Variants in PCMTD2 observed in about 807,000 individuals in gnomAD.
PCMTD2 encodes protein-L-isoaspartate O-methyltransferase domain-containing protein 2.
PCMTD2 carries 16 observed loss-of-function variants against 33.4 expected under a neutral mutation model. That is an observed-to-expected ratio of 0.48 (90% CI 0.32 to 0.73). The LOEUF is 0.73. Ranked by LOEUF, PCMTD2 falls within the 30% of genes least tolerant of loss-of-function variation. The pLI is 0.03. For missense variants in PCMTD2, 374 were observed against 449.9 expected, an observed-to-expected ratio of 0.83 and a Z score of 1.53; for synonymous variants, 161 against 160.8, an observed-to-expected ratio of 1.00 and a Z score of -0.01.
chr20:64,261,939 T>C (rs1035706360), intron 2 of PCMTD2, among the ~76,000 whole-genome samples: 1 of 152,136 alleles, frequency 6.6e-6, no homozygotes, highest in Non-Finnish European at 1.5e-5. Flanking sequence ...CCAAAATGCT[T>C]AGGAAAAGAT....
At chr20:64,269,388 C>A (rs1428642974) in intron 5 of PCMTD2, among the ~76,000 whole-genome samples, 1 of 152,178 alleles carries the variant, frequency 6.6e-6, no homozygotes, top group Non-Finnish European at 1.5e-5. Context: ...TGGGGTTCGT[C>A]TGGCCGATGA....
In PCMTD2 at chr20:64,260,213, C is replaced by G. The variant is rs775544236; in HGVS notation, c.248C>G (p.Ser83Trp). The change falls in exon 2 of 6, where the codon TCG (serine) becomes TGG (tryptophan). Residue 83 changes from serine (S) to tryptophan (W), a missense_variant. Transcript: ENST00000308824. ...GCCCTAGATCTGCAGCCTGGACTCT[C>G]GTTTCTGAACCTGGGCAGTGGCACT... is the stretch of plus-strand genomic sequence containing the variant. The part of the protein sequence containing the change: ...MEALDLQPGL[S>W]FLNLGSGTGY... 5.0e-6 allele frequency: 8 copies of G among 1,613,720 alleles called. No homozygotes were observed. The African/African-American group carries it at 5.3e-5, about 11-fold the overall frequency.
intron 4 of PCMTD2, 71 bp from the exon 5 acceptor site, chr20:64,267,804 TTTATAGTATGTA>T: frequency 8.7e-7 from 1 of 1,155,180 alleles, no homozygotes; most frequent in Non-Finnish European, 1.2e-6. Context: ...TCTATGTATT[TTTATAGTATGTA>T]TAGGAATGAT....
chr20:64,269,851 GCGTGTGGGGGGTGTGGGCGTGCAT>G (rs937607551), intron 5 of PCMTD2, among the ~76,000 whole-genome samples: 5 of 86,714 alleles, frequency 5.8e-5, no homozygotes, highest in Non-Finnish European at 1.1e-4. Flanking sequence ...ATGGGTGCTG[GCGTGTGGGGGGTGTGGGCGTGCAT>G]CGTGTGGGGT....
At chr20:64,268,439 C>T (rs951041142) in intron 5 of PCMTD2, among the ~76,000 whole-genome samples, 2 of 152,222 alleles carry the variant, frequency 1.3e-5, no homozygotes, top group Non-Finnish European at 2.9e-5. Context: ...TTAGAGAACA[C>T]ATTCCAGCTA....
chr20:64,262,665 G>C (rs1236291594), intron 2 of PCMTD2: 3 of 152,330 alleles, frequency 2.0e-5, no homozygotes, highest in African/African-American at 7.2e-5. Flanking sequence ...ACTGCCTTTC[G>C]CATGGCCTGA....
rs1476759106 is a variant in PCMTD2, at chr20:64,275,338, T to C, written c.*1738T>C. ...ACGTAGACACTTACTTGGAAATTTT[T>C]GGACATTATATTAAATGAGTGCTAT... is the stretch of plus-strand genomic sequence containing the variant. On this transcript the variant is annotated 3_prime_UTR_variant, in exon 6 of 6. Coordinates refer to ENST00000308824, the MANE Select transcript of PCMTD2 (RefSeq NM_018257.3). 1 of 152,236 alleles carries C rather than the reference T, an allele frequency of 6.6e-6. No individual in the cohort carries two copies. Among genetic ancestry groups the C allele is most frequent in the Non-Finnish European group, 1.5e-5 (1 of 68,034 alleles). 9.4% of individuals were successfully genotyped at this position (152,236 alleles called of 1,614,324 possible). A position where few individuals can be genotyped will look rare whatever the true frequency, so the allele number is the denominator to read the frequency against.
chr20:64,273,556 C>G lies in PCMTD2; in HGVS notation c.1042C>G (p.Pro348Ala). The change falls in exon 6 of 6, where the codon CCA (proline) becomes GCA (alanine). Residue 348 changes from proline (P) to alanine (A), a missense_variant. Pro to Ala is a conservative substitution (Grantham distance 27). Coordinates refer to ENST00000308824, the MANE Select transcript of PCMTD2 (RefSeq NM_018257.3). Reference sequence around the variant, plus strand: ...CCAGAAGGTCCTGAGCCTCCCTCTGCCAGATCCCCTGAAATACTACTTGCT... The same window carrying G: ...CCAGAAGGTCCTGAGCCTCCCTCTGGCAGATCCCCTGAAATACTACTTGCT... Reference protein sequence around the residue: ...LRQKVLSLPLPDPLKYYLLYY... With the variant: ...LRQKVLSLPLADPLKYYLLYY... 6.5e-7 allele frequency: 1 copy of G among 1,535,426 alleles called. No individual in the cohort carries two copies. The highest frequency in any genetic ancestry group is 8.7e-7 in the Non-Finnish European group (1 of 1,146,412).
At chr20:64,260,709 T>G (rs1010631772) in intron 2 of PCMTD2, among the ~76,000 whole-genome samples, 3 of 140,972 alleles carry the variant, frequency 2.1e-5, no homozygotes, top group East Asian at 3.9e-4. Context: ...TTTGTTGGTT[T>G]TTTTTTTTTT....
chr20:64,273,398 A>G lies in PCMTD2; in HGVS notation c.884A>G (p.Lys295Arg). ...RRMETIVFLD[K>R]EVFASRISNP... The stretch of plus-strand genomic sequence containing the variant: ...ATGGAAACGATTGTCTTTTTGGACA[A>G]AGAAGTCTTTGCCAGTCGGATTTCC... Residue 295 changes from lysine to arginine, a missense_variant, in exon 6 of 6, where the codon AAA becomes AGA. Physicochemically the swap from Lys to Arg is conservative, Grantham distance 26. Coordinates refer to ENST00000308824, the MANE Select transcript of PCMTD2 (RefSeq NM_018257.3). 1 of 1,614,178 alleles carries G rather than the reference A, an allele frequency of 6.2e-7. No individual in the cohort carries two copies. Among genetic ancestry groups the G allele is most frequent in the East Asian group, 2.2e-5 (1 of 44,892 alleles).
intron 5 of PCMTD2, 66 bp from the exon 6 acceptor site, chr20:64,273,155 G>T: frequency 1.5e-6 from 2 of 1,349,534 alleles, no homozygotes; most frequent in Non-Finnish European, 2.1e-6. Flanking sequence ...CGGGTCTTAG[G>T]TGTGTAGGCG....
chr20:64,267,914 T>G lies in PCMTD2; in HGVS notation c.610T>G (p.Ser204Ala), dbSNP rs1985723725. 3 of 1,613,674 alleles carry G rather than the reference T, an allele frequency of 1.9e-6. No individual in the cohort carries two copies. The African/African-American group carries it at 4.0e-5, about 22-fold the overall frequency. Residue 204 changes from serine to alanine, a missense_variant, in exon 5 of 6, where the codon TCA becomes GCA. Coordinates refer to ENST00000308824, the MANE Select transcript of PCMTD2 (RefSeq NM_018257.3). The part of the protein sequence containing the change: ...KLTKITRTGP[S>A]AWETKKILAV... Reference sequence around the variant, plus strand: ...GACTAAGATAACACGCACAGGTCCTTCAGCTTGGGAAACCAAAAAGATTCT... The same window carrying G: ...GACTAAGATAACACGCACAGGTCCTGCAGCTTGGGAAACCAAAAAGATTCT...
At chr20:64,261,039 A>G (rs1985393686) in intron 2 of PCMTD2, among the ~76,000 whole-genome samples, 1 of 152,170 alleles carries the variant, frequency 6.6e-6, no homozygotes, top group Admixed American at 6.5e-5. Context: ...AGATTTTAAA[A>G]TTAGTTTCAG....
At chr20:64,260,368 C>G in intron 2 of PCMTD2, 96 bp downstream of exon 2, 1 of 816,282 alleles carries the variant, frequency 1.2e-6, no homozygotes, top group Non-Finnish European at 2.0e-6. Flanking sequence ...CTGCCTGGGT[C>G]GAGACCGCAG....
Position 64,273,696 on chromosome 20 carries a change from G to A in PCMTD2, c.*96G>A. On this transcript the variant is annotated 3_prime_UTR_variant, in exon 6 of 6. Transcript: ENST00000308824. ...GTTGAAGGGTCACCTGGAGGCAGACGTTGTGGGGAAGGGAACTGCTGGGCT... is the reference window on the plus strand; with the variant it reads ...GTTGAAGGGTCACCTGGAGGCAGACATTGTGGGGAAGGGAACTGCTGGGCT... 4.6e-6 allele frequency: 5 copies of A among 1,077,804 alleles called. No individual in the cohort carries two copies. Among genetic ancestry groups the A allele is most frequent in the South Asian group, 1.8e-5 (1 of 56,286 alleles). The allele number at this position is 1,077,804 out of a possible 1,614,324, so 66.8% of individuals were successfully genotyped here.
chr20:64,271,930 G>T (rs1985927745), intron 5 of PCMTD2: 1 of 316,032 alleles, frequency 3.2e-6, no homozygotes, highest in Non-Finnish European at 6.4e-6. Flanking sequence ...AATCTGTCTA[G>T]ATGTGAGATG....
chr20:64,275,315 G>A lies in PCMTD2; in HGVS notation c.*1715G>A, dbSNP rs758717683. The A allele has an allele frequency of 5.3e-5, 8 of 152,088 alleles. No homozygotes were observed. Among genetic ancestry groups the A allele is most frequent in the South Asian group, 4.1e-4 (2 of 4,820 alleles). 9.4% of individuals were successfully genotyped at this position (152,088 alleles called of 1,614,324 possible). On this transcript the variant is annotated 3_prime_UTR_variant, in exon 6 of 6. Coordinates refer to ENST00000308824, the MANE Select transcript of PCMTD2 (RefSeq NM_018257.3). Reference sequence around the variant, plus strand: ...TTGTGGGCATTATTCTAACTGATACGTAGACACTTACTTGGAAATTTTTGG... The same window carrying A: ...TTGTGGGCATTATTCTAACTGATACATAGACACTTACTTGGAAATTTTTGG...
chr20:64,272,825 AAAG>A (rs1388460016), intron 5 of PCMTD2, among the ~76,000 whole-genome samples: 1 of 152,218 alleles, frequency 6.6e-6, no homozygotes, highest in African/African-American at 2.4e-5. Context: ...GTCTCCAAAA[AAAG>A]AATGTTGGAG....
intron 5 of PCMTD2, among the ~76,000 whole-genome samples, chr20:64,272,419 T>C (rs1985948032): frequency 6.6e-6 from 1 of 152,234 alleles, no homozygotes; most frequent in Non-Finnish European, 1.5e-5. Flanking sequence ...TGGTGTGCTT[T>C]GGAGTTTTTG....
Sources: gnomAD v4.1 joint callset for allele counts (sites outside exome capture counted in the v4.1 genomes callset) on GRCh38, gnomAD v4.1.1 for gene constraint, MANE v1.5 for transcripts, NCBI Gene and HGNC (gene_info 2026-07-23, HGNC 2026-07-21) for gene names.